Variants in KLHDC9 observed in about 807,000 individuals in gnomAD.
The protein encoded by KLHDC9 is kelch domain-containing protein 9.
Under a neutral mutation model 31.5 loss-of-function variants are expected in KLHDC9, and 26 were observed. That is an observed-to-expected ratio of 0.83 (90% CI 0.61 to 1.15). KLHDC9 has a LOEUF of 1.15. Among genes scored for constraint, KLHDC9 ranks in the 50% most tolerant of loss-of-function variants. The pLI is 0.00. For missense variants in KLHDC9, 437 were observed against 467.7 expected, an observed-to-expected ratio of 0.93 and a Z score of 0.61; for synonymous variants, 176 against 184.7, an observed-to-expected ratio of 0.95 and a Z score of 0.38.
In KLHDC9 at chr1:161,099,638, C is replaced by A; in HGVS notation, c.728C>A (p.Ala243Glu). The change falls in exon 3 of 4, where the codon GCA becomes GAA. Residue 243 changes from alanine (A) to glutamate (E), a missense_variant. Physicochemically the swap from Ala to Glu is moderately radical, Grantham distance 107. Coordinates refer to ENST00000368011, the MANE Select transcript of KLHDC9 (RefSeq NM_152366.5). ...PVAPHLMEQL[A>E]RLVSSGQGSQ... ...GCTCCTCATTTGATGGAACAGCTTGCAAGGCTTGTGAGCAGTGGGCAGGGG... is the reference window on the plus strand; with the variant it reads ...GCTCCTCATTTGATGGAACAGCTTGAAAGGCTTGTGAGCAGTGGGCAGGGG... 1 of 1,614,214 alleles carries A rather than the reference C, an allele frequency of 6.2e-7. No homozygotes were observed. Among genetic ancestry groups the A allele is most frequent in the Non-Finnish European group, 8.5e-7 (1 of 1,180,052 alleles).
At position 161,100,167 on chromosome 1, in the gene KLHDC9, T is replaced by C; in HGVS notation, c.993T>C (p.Gly331=). 6.2e-7 allele frequency: 1 copy of C among 1,614,018 alleles called. No individual in the cohort carries two copies. Among genetic ancestry groups the C allele is most frequent in the Non-Finnish European group, 8.5e-7 (1 of 1,179,970 alleles). ...ATGATCAGCTTTACCTGGTTGGGGG[T>C]TTTGGTGAGGATGGCAGGACAGCCA... The part of the protein sequence containing the change: ...LWNDQLYLVG[G]FGEDGRTASP... Residue 331 remains glycine (G), a synonymous_variant, in exon 4 of 4, where the codon GGT becomes GGC. Coordinates refer to ENST00000368011, the MANE Select transcript of KLHDC9 (RefSeq NM_152366.5).
In KLHDC9 at chr1:161,098,365, T is replaced by TG; in HGVS notation, c.-169dup. On this transcript the variant is annotated 5_prime_UTR_variant, in exon 1 of 4. Transcript: ENST00000368011. This position sits in a 1 kb window ranked among gnomAD's most constrained non-coding sequence, Gnocchi z 6.3. Reference sequence around the variant, plus strand: ...AGCGGTCGCGCTGCAGCCGCTGCAGTGGTTGCTGGGCGACCACGGAGAGAA... The same window carrying TG: ...AGCGGTCGCGCTGCAGCCGCTGCAGTGGGTTGCTGGGCGACCACGGAGAGAA... 1.7e-6 allele frequency: 1 copy of TG among 595,156 alleles called. No individual in the cohort carries two copies. The allele number at this position is 595,156 out of a possible 1,614,324, so 36.9% of individuals were successfully genotyped here. A position where few individuals can be genotyped will look rare whatever the true frequency, so the allele number is the denominator to read the frequency against.
Position 161,099,649 on chromosome 1 carries a change from AGCAGTG to A in KLHDC9, c.741_746del (p.Ser247_Gly249delinsArg), listed in dbSNP as rs1312511177. 6.2e-7 allele frequency: 1 copy of A among 1,614,046 alleles called. No homozygotes were observed. The highest frequency in any genetic ancestry group is 8.5e-7 in the Non-Finnish European group (1 of 1,180,046). On this transcript the variant is annotated inframe_deletion, in exon 3 of 4. Transcript: ENST00000368011. The stretch of plus-strand genomic sequence containing the variant: ...GATGGAACAGCTTGCAAGGCTTGTG[AGCAGTG>A]GGCAGGGGTCCCAGAAGGGGCCCCA...
chr1:161,098,676 A>C lies in KLHDC9; in HGVS notation c.141A>C (p.Leu47=). 1.2e-6 allele frequency: 2 copies of C among 1,613,224 alleles called. No homozygotes were observed. Among genetic ancestry groups the C allele is most frequent in the African/African-American group, 2.7e-5 (2 of 75,026 alleles). The part of the protein sequence containing the change: ...RGRFYLVGGL[L]AGGAREPSSD... ...GGTTCTATCTCGTAGGTGGTCTCCTAGCAGGAGGAGCGAGAGAGCCCAGCA... is the reference window on the plus strand; with the variant it reads ...GGTTCTATCTCGTAGGTGGTCTCCTCGCAGGAGGAGCGAGAGAGCCCAGCA... Residue 47 remains leucine, a synonymous_variant, in exon 1 of 4, where the codon CTA becomes CTC. Coordinates refer to ENST00000368011, the MANE Select transcript of KLHDC9 (RefSeq NM_152366.5). This position sits in a 1 kb window ranked among gnomAD's most constrained non-coding sequence, Gnocchi z 6.3.
rs1557959574 is a variant in KLHDC9, at chr1:161,098,968, CT to C, written c.434del (p.Leu145ArgfsTer22). ...HTCTRISDRELQVAGREGGIH... is the reference protein window; with the variant it reads ...HTCTRISDREXQVAGREGGIH... The stretch of plus-strand genomic sequence containing the variant: ...CTGCACCCGAATCTCTGACCGAGAG[CT>C]GCAGGTGGCTGGCCGGGAGGGCGGT... On this transcript the variant is annotated frameshift_variant, in exon 1 of 4. Coordinates refer to ENST00000368011, the MANE Select transcript of KLHDC9 (RefSeq NM_152366.5). LOFTEE classifies it high-confidence loss of function. This position sits in a 1 kb window ranked among gnomAD's most constrained non-coding sequence, Gnocchi z 6.3. 6.3e-7 allele frequency: 1 copy of C among 1,588,910 alleles called. No homozygotes were observed. The highest frequency in any genetic ancestry group is 1.7e-5 in the Admixed American group (1 of 58,790).
chr1:161,099,892 G>A (rs1654498385), intron 3 of KLHDC9, 96 bp downstream of exon 3: 17 of 1,385,706 alleles, frequency 1.2e-5, no homozygotes, highest in Admixed American at 1.7e-5. Flanking sequence ...GTAGGGAGGA[G>A]GAAAAATTAG....
intron 2 of KLHDC9, 38 bp downstream of exon 2, chr1:161,099,543 A>C: frequency 1.2e-6 from 2 of 1,614,034 alleles, no homozygotes; most frequent in Non-Finnish European, 1.7e-6. Flanking sequence ...GGATGGGAAG[A>C]GGCTAAAATT....
At position 161,098,718 on chromosome 1, in the gene KLHDC9, C is replaced by T; in HGVS notation, c.183C>T (p.Phe61=). ...AREPSSDTVV[F]DPARGQAVRL... ...AGCCCAGCAGCGATACGGTGGTTTT[C>T]GACCCAGCTAGGGGCCAGGCCGTAC... Residue 61 remains phenylalanine (F), a synonymous_variant, in exon 1 of 4, where the codon TTC becomes TTT. Coordinates refer to ENST00000368011, the MANE Select transcript of KLHDC9 (RefSeq NM_152366.5). This position sits in a 1 kb window ranked among gnomAD's most constrained non-coding sequence, Gnocchi z 6.3. 6.2e-7 allele frequency: 1 copy of T among 1,611,856 alleles called. No individual in the cohort carries two copies.
chr1:161,099,505 G>A lies in KLHDC9; in HGVS notation c.687G>A (p.Lys229=), dbSNP rs761650296. ...GGCATTGGAGTCATGGGAAAATTAA[G>A]GTATTAGCTCCTCACACATCTTGTT... ...VAGHWSHGKI[K]EEPPVAPHLM... Residue 229 remains lysine, a splice_region_variant and synonymous_variant, in exon 2 of 4, where the codon AAG becomes AAA. Transcript: ENST00000368011. 8.1e-6 allele frequency: 13 copies of A among 1,614,220 alleles called. No individual in the cohort carries two copies. The highest frequency in any genetic ancestry group is 1.0e-5 in the Non-Finnish European group (12 of 1,180,038).
intron 1 of KLHDC9, 97 bp downstream of exon 1, chr1:161,099,159 C>A (rs114751920): frequency 0.014 from 19,582 of 1,372,534 alleles, 279 homozygotes; most frequent in South Asian, 0.05. Flanking sequence ...CACCTCCTCA[C>A]TCTAGCACCC....
intron 1 of KLHDC9, 119 bp downstream of exon 1, chr1:161,099,181 G>A (rs1202533153): frequency 7.5e-7 from 1 of 1,330,694 alleles, no homozygotes. Flanking sequence ...CCTTCCAGGG[G>A]AACCTACCAT....
At position 161,098,978 on chromosome 1, in the gene KLHDC9, C is replaced by A; in HGVS notation, c.443C>A (p.Ala148Asp). The change falls in exon 1 of 4, where the codon GCT becomes GAT. Residue 148 changes from alanine (A) to aspartate (D), a missense_variant. Physicochemically the swap from Ala to Asp is moderately radical, Grantham distance 126. Transcript: ENST00000368011. The surrounding 1 kb of genome is among the most constrained non-coding windows in gnomAD (Gnocchi z 6.3). ...ATCTCTGACCGAGAGCTGCAGGTGG[C>A]TGGCCGGGAGGGCGGTATCCACACT... ...TRISDRELQV[A>D]GREGGIHTQR... 6.3e-7 allele frequency: 1 copy of A among 1,590,806 alleles called. No homozygotes were observed. The highest frequency in any genetic ancestry group is 1.1e-5 in the South Asian group (1 of 89,480).
In KLHDC9 at chr1:161,098,678, CAGG is replaced by C. The variant is rs1557959149; in HGVS notation, c.149_151del (p.Gly50del). 1.2e-6 allele frequency: 2 copies of C among 1,613,260 alleles called. No homozygotes were observed. Among genetic ancestry groups the C allele is most frequent in the Non-Finnish European group, 8.5e-7 (1 of 1,179,562 alleles). ...TTCTATCTCGTAGGTGGTCTCCTAG[CAGG>C]AGGAGCGAGAGAGCCCAGCAGCGAT... On this transcript the variant is annotated inframe_deletion, in exon 1 of 4. Transcript: ENST00000368011. The surrounding 1 kb of genome is among the most constrained non-coding windows in gnomAD (Gnocchi z 6.3).
Position 161,098,726 on chromosome 1 carries a change from C to G in KLHDC9, c.191C>G (p.Ala64Gly), listed in dbSNP as rs1434957604. 2 of 1,611,274 alleles carry G rather than the reference C, an allele frequency of 1.2e-6. No homozygotes were observed. Among genetic ancestry groups the G allele is most frequent in the Middle Eastern group, 1.7e-4 (1 of 6,058 alleles). The change falls in exon 1 of 4, where the codon GCT becomes GGT. Residue 64 changes from alanine to glycine, a missense_variant. Transcript: ENST00000368011. The surrounding 1 kb of genome is among the most constrained non-coding windows in gnomAD (Gnocchi z 6.3). ...PSSDTVVFDP[A>G]RGQAVRLGAR... ...AGCGATACGGTGGTTTTCGACCCAG[C>G]TAGGGGCCAGGCCGTACGATTGGGA...
rs574099147 is a variant in KLHDC9, at chr1:161,100,158, G to A, written c.984G>A (p.Leu328=). The A allele has an allele frequency of 8.1e-6, 13 of 1,614,236 alleles. No individual in the cohort carries two copies. In the South Asian group the frequency reaches 1.4e-4, roughly 18 times the overall value. Residue 328 remains leucine, a synonymous_variant, in exon 4 of 4, where the codon CTG becomes CTA. Transcript: ENST00000368011. ...RTCLWNDQLY[L]VGGFGEDGRT... is the part of the protein sequence containing the mutation. ...GCCTTTGGAATGATCAGCTTTACCT[G>A]GTTGGGGGTTTTGGTGAGGATGGCA...
At position 161,099,691 on chromosome 1, in the gene KLHDC9, C is replaced by A. The variant is rs758744538; in HGVS notation, c.781C>A (p.His261Asn). Reference protein sequence around the residue: ...GSQKGPHGLRHHSCSVVGPFA... With the variant: ...GSQKGPHGLRNHSCSVVGPFA... ...CCAGAAGGGGCCCCATGGACTACGG[C>A]ATCACTCATGTTCTGTGGTCGGGCC... The change falls in exon 3 of 4, where the codon CAT becomes AAT. Residue 261 changes from histidine (H) to asparagine (N), a missense_variant. His to Asn is a moderately conservative substitution (Grantham distance 68). Coordinates refer to ENST00000368011, the MANE Select transcript of KLHDC9 (RefSeq NM_152366.5). 3.1e-6 allele frequency: 5 copies of A among 1,614,048 alleles called. No homozygotes were observed. In the East Asian group the frequency reaches 1.1e-4, roughly 36 times the overall value.
At position 161,099,853 on chromosome 1, in the gene KLHDC9, A is replaced by G. The variant is rs1027557273; in HGVS notation, c.886+57A>G. On this transcript the variant is annotated intron_variant, in intron 3 of 3. Transcript: ENST00000368011. ...AAGGTGGGAAGATGGGGGAACCTGA[A>G]GACTACAGAAAGAGGATGGAGTGAT... 3 of 1,515,310 alleles carry G rather than the reference A, an allele frequency of 2.0e-6. No homozygotes were observed. In the African/African-American group the frequency reaches 4.1e-5, roughly 21 times the overall value. 93.9% of individuals were successfully genotyped at this position (1,515,310 alleles called of 1,614,324 possible). A position where few individuals can be genotyped will look rare whatever the true frequency, so the allele number is the denominator to read the frequency against.
At chr1:161,099,309 A>G in intron 1 of KLHDC9, 37 bp from the exon 2 acceptor site, 1 of 1,613,772 alleles carries the variant, frequency 6.2e-7, no homozygotes, top group Non-Finnish European at 8.5e-7. Flanking sequence ...CATTTTCCAG[A>G]AAACCCACTC....
chr1:161,099,057 C>G lies in KLHDC9; in HGVS notation c.522C>G (p.Thr174=). The change falls in exon 1 of 4, where the codon ACC becomes ACG. Residue 174 remains threonine (T), a synonymous_variant. Coordinates refer to ENST00000368011, the MANE Select transcript of KLHDC9 (RefSeq NM_152366.5). ...YTLRLDPSAR[T]YCYKQEGCHT... is the part of the protein sequence containing the mutation. ...TAAGGCTGGACCCCAGCGCCCGCACCTATTGGTATGGCACCCTCCGCCCAA... is the reference window on the plus strand; with the variant it reads ...TAAGGCTGGACCCCAGCGCCCGCACGTATTGGTATGGCACCCTCCGCCCAA... The G allele has an allele frequency of 1.3e-6, 2 of 1,596,396 alleles. No individual in the cohort carries two copies. The highest frequency in any genetic ancestry group is 1.7e-6 in the Non-Finnish European group (2 of 1,178,792).
Sources: gnomAD v4.1 joint callset for allele counts on GRCh38, gnomAD v4.1.1 for gene constraint, Gnocchi (gnomAD v3.1) non-coding constraint, MANE v1.5 for transcripts, NCBI Gene and HGNC (gene_info 2026-07-23, HGNC 2026-07-21) for gene names.